SYCP2L: variants seen among roughly 807,000 people sequenced by gnomAD.
SYCP2L encodes synaptonemal complex protein 2-like.
Under a neutral mutation model 125.8 loss-of-function variants are expected in SYCP2L, and 98 were observed. The ratio of observed to expected loss-of-function variants is 0.78; its 90% confidence interval spans 0.66 to 0.92. SYCP2L has a LOEUF of 0.92. Ranked by LOEUF, SYCP2L falls within the 40% of genes least tolerant of loss-of-function variation. The pLI, the probability that SYCP2L is intolerant of heterozygous loss-of-function variation, is 0.00. For missense variants in SYCP2L, 842 were observed against 936.4 expected, an observed-to-expected ratio of 0.90 and a Z score of 1.32; for synonymous variants, 317 against 325.4, an observed-to-expected ratio of 0.97 and a Z score of 0.28.
intron 10 of SYCP2L, among the ~76,000 whole-genome samples, chr6:10,909,160 G>GTTTTTT (rs1780559972): frequency 9.3e-6 from 1 of 107,518 alleles, no homozygotes; most frequent in African/African-American, 4.4e-5. Context: ...GTTTCTTTCG[G>GTTTTTT]TCTTGTTGGT....
At position 10,926,412 on chromosome 6, in the gene SYCP2L, G is replaced by A. The variant is rs1237514665; in HGVS notation, c.1292G>A (p.Ser431Asn). 6.2e-7 allele frequency: 1 copy of A among 1,613,362 alleles called. No individual in the cohort carries two copies. The highest frequency in any genetic ancestry group is 8.5e-7 in the Non-Finnish European group (1 of 1,179,672). ...KSDKEDRESP[S>N]GLERETEQAE... ...GATAAAGAAGACAGGGAGAGTCCCAGTGGCCTTGAAAGAGAAACAGGTATA... is the reference window on the plus strand; with the variant it reads ...GATAAAGAAGACAGGGAGAGTCCCAATGGCCTTGAAAGAGAAACAGGTATA... Residue 431 changes from serine (S) to asparagine (N), a missense_variant, in exon 16 of 30, where the codon AGT becomes AAT. Physicochemically the swap from Ser to Asn is conservative, Grantham distance 46. Coordinates refer to ENST00000283141, the MANE Select transcript of SYCP2L (RefSeq NM_001040274.3).
At chr6:10,956,970 G>A (rs903788587) in intron 25 of SYCP2L, among the ~76,000 whole-genome samples, 4 of 152,074 alleles carry the variant, frequency 2.6e-5, no homozygotes, top group Admixed American at 6.6e-5. Context: ...GGGACTACAG[G>A]TGCATGCCAC....
chr6:10,926,344 G>A lies in SYCP2L; in HGVS notation c.1224G>A (p.Leu408=). 1 of 1,612,312 alleles carries A rather than the reference G, an allele frequency of 6.2e-7. No individual in the cohort carries two copies. Among genetic ancestry groups the A allele is most frequent in the Non-Finnish European group, 8.5e-7 (1 of 1,178,920 alleles). ...IQALGEDKQM[L]PDQTKISSEL... ...ACCTTTGTCTTGCATTTCAGATGTTGCCTGACCAGACGAAAATCTCCTCAG... is the reference window on the plus strand; with the variant it reads ...ACCTTTGTCTTGCATTTCAGATGTTACCTGACCAGACGAAAATCTCCTCAG... Residue 408 remains leucine (L), a synonymous_variant, in exon 16 of 30, where the codon TTG becomes TTA. Transcript: ENST00000283141.
chr6:10,916,221 G>T (rs1780691148), intron 14 of SYCP2L, among the ~76,000 whole-genome samples: 2 of 151,958 alleles, frequency 1.3e-5, no homozygotes, highest in Admixed American at 6.6e-5. Context: ...TCTTTTCTTG[G>T]TTAGTCTTAC....
chr6:10,962,440 G>A (rs1367335927), intron 28 of SYCP2L, among the ~76,000 whole-genome samples: 1 of 152,024 alleles, frequency 6.6e-6, no homozygotes, highest in African/African-American at 2.4e-5. Context: ...ATAGTTAAAG[G>A]TGATGACACC....
chr6:10,951,459 G>T (rs1423374145), intron 23 of SYCP2L, among the ~76,000 whole-genome samples: 1 of 152,110 alleles, frequency 6.6e-6, no homozygotes, highest in Non-Finnish European at 1.5e-5. Flanking sequence ...AACATTTAAT[G>T]ATGAAACTCT....
At chr6:10,902,298 C>G (rs2113300789) in intron 6 of SYCP2L, among the ~76,000 whole-genome samples, 1 of 152,256 alleles carries the variant, frequency 6.6e-6, no homozygotes, top group Middle Eastern at 3.4e-3. Flanking sequence ...CACTTTCCCC[C>G]CTGCATTTTG....
At chr6:10,973,532 A>AAAT (rs371335747) in intron 29 of SYCP2L, among the ~76,000 whole-genome samples, 27 of 152,078 alleles carry the variant, frequency 1.8e-4, no homozygotes, top group Middle Eastern at 3.4e-3. Flanking sequence ...CTCCATCTCA[A>AAAT]AATAATAATA....
intron 23 of SYCP2L, among the ~76,000 whole-genome samples, chr6:10,949,420 CTTA>C (rs1781371038): frequency 6.6e-6 from 1 of 152,184 alleles, no homozygotes. Flanking sequence ...ACTTTTGTTA[CTTA>C]TTGCTAATTT....
At chr6:10,921,967 A>G (rs79938195) in intron 14 of SYCP2L, among the ~76,000 whole-genome samples, 35,271 of 151,958 alleles carry the variant, frequency 0.23, 4,461 homozygotes, top group Non-Finnish European at 0.29. Context: ...CGGCCTCCCA[A>G]AGTGCTGGAT....
chr6:10,950,344 C>A (rs1781388083), intron 23 of SYCP2L, among the ~76,000 whole-genome samples: 1 of 152,100 alleles, frequency 6.6e-6, no homozygotes, highest in Admixed American at 6.6e-5. Context: ...TCTTCTGACC[C>A]TTTGGCTGCT....
In SYCP2L at chr6:10,906,036, A is replaced by G. The variant is rs369687458; in HGVS notation, c.658A>G (p.Thr220Ala). ...ATGTTTCAGGAAAGACCTTGCAAGG[A>G]CACTCTTGACTGTGGGTGGTAAGAA... Reference protein sequence around the residue: ...MCHLMKDLARTLLTVGDYDQQ... With the variant: ...MCHLMKDLARALLTVGDYDQQ... The change falls in exon 9 of 30, where the codon ACA (threonine) becomes GCA (alanine). Residue 220 changes from threonine (T) to alanine (A), a missense_variant. Coordinates refer to ENST00000283141, the MANE Select transcript of SYCP2L (RefSeq NM_001040274.3). The G allele has an allele frequency of 4.0e-5, 64 of 1,600,248 alleles. No homozygotes were observed. Among genetic ancestry groups the G allele is most frequent in the Non-Finnish European group, 5.0e-5 (58 of 1,169,192 alleles).
At chr6:10,918,725 C>G (rs182997101) in intron 14 of SYCP2L, among the ~76,000 whole-genome samples, 1 of 151,804 alleles carries the variant, frequency 6.6e-6, no homozygotes, top group South Asian at 2.1e-4. Flanking sequence ...TTAGTAGAGA[C>G]GGGTTTCACC....
intron 1 of SYCP2L, among the ~76,000 whole-genome samples, chr6:10,889,678 T>C (rs1399698331): frequency 7.0e-6 from 1 of 142,250 alleles, no homozygotes; most frequent in Non-Finnish European, 1.5e-5. Flanking sequence ...TGGAGTGCAA[T>C]AGTGCAACCT....
chr6:10,893,785 T>C (rs1780212229), intron 2 of SYCP2L, 82 bp from the exon 3 acceptor site: 4 of 1,424,766 alleles, frequency 2.8e-6, no homozygotes, highest in Non-Finnish European at 2.9e-6. Flanking sequence ...TGAATTCTTA[T>C]TGATAATGAG....
chr6:10,932,385 A>T (rs372668106), intron 20 of SYCP2L, among the ~76,000 whole-genome samples: 1 of 152,298 alleles, frequency 6.6e-6, no homozygotes, highest in Non-Finnish European at 1.5e-5. Context: ...GTTTTGTGTC[A>T]CGTGAGCTAT....
intron 1 of SYCP2L, among the ~76,000 whole-genome samples, chr6:10,891,309 C>G (rs2113280420): frequency 6.6e-6 from 1 of 152,052 alleles, no homozygotes; most frequent in South Asian, 2.1e-4. Flanking sequence ...TTAGACCATG[C>G]TAAAGAAGGT....
At chr6:10,901,358 C>G (rs1211636871) in intron 6 of SYCP2L, among the ~76,000 whole-genome samples, 5 of 152,142 alleles carry the variant, frequency 3.3e-5, no homozygotes, top group Admixed American at 6.5e-5. Flanking sequence ...CAATATTACT[C>G]TCACTTTGCA....
chr6:10,894,412 T>C (rs1173599768), intron 4 of SYCP2L, among the ~76,000 whole-genome samples: 1 of 152,210 alleles, frequency 6.6e-6, no homozygotes, highest in African/African-American at 2.4e-5. Context: ...ACTTTGGGAG[T>C]GCACAGGATC....
Sources: gnomAD v4.1 joint callset for allele counts (sites outside exome capture counted in the v4.1 genomes callset) on GRCh38, gnomAD v4.1.1 for gene constraint, MANE v1.5 for transcripts, NCBI Gene and HGNC (gene_info 2026-07-23, HGNC 2026-07-21) for gene names.